TRAP1: variants seen among roughly 807,000 people sequenced by gnomAD.
The protein encoded by TRAP1 is heat shock protein 75 kDa, mitochondrial.
A neutral mutation model predicts 89.1 loss-of-function variants in TRAP1; 102 were observed. That is an observed-to-expected ratio of 1.15 (90% confidence interval 0.98 to 1.35). TRAP1 has a LOEUF of 1.35. TRAP1 is among the 40% of genes most tolerant of loss of function. TRAP1 has a pLI of 0.00. For missense variants in TRAP1, 1,256 were observed against 945.3 expected (o/e 1.33, Z -4.31); for synonymous variants, 508 against 388.0 (o/e 1.31, Z -3.64).
intron 7 of TRAP1, 114 bp downstream of exon 7, chr16:3,675,922 G>T (rs1346360265): frequency 3.2e-6 from 3 of 929,860 alleles, no homozygotes; most frequent in Non-Finnish European, 1.6e-6. Flanking sequence ...GCCCTTCACG[G>T]CTCTGCCTGT....
intron 4 of TRAP1, 30 bp from the exon 5 acceptor site, chr16:3,679,820 C>A (rs764376881): frequency 3.1e-6 from 5 of 1,610,858 alleles, no homozygotes; most frequent in African/African-American, 1.3e-5. Flanking sequence ...AAGTGCCAAG[C>A]CCCCAGCACC....
chr16:3,712,526 T>TTG (rs1307328765), intron 1 of TRAP1, among the ~76,000 whole-genome samples: 1 of 152,082 alleles, frequency 6.6e-6, no homozygotes, highest in Non-Finnish European at 1.5e-5. Flanking sequence ...AGCAAAATAC[T>TTG]TGGAGATTCC....
chr16:3,686,040 T>C lies in TRAP1; in HGVS notation c.427A>G (p.Ile143Val), dbSNP rs45611437. Residue 143 changes from isoleucine (I) to valine (V), a missense_variant, in exon 4 of 18, where the codon ATT becomes GTT. Transcript: ENST00000246957. ...TTCTCGGCATTGGTCTGCAAGTGAA[T>C]CTCCATTTCTGGCAGTGCTTGGCCG... ...SDGQALPEME[I>V]HLQTNAEKGT... 1 of 1,613,960 alleles carries C rather than the reference T, an allele frequency of 6.2e-7. No individual in the cohort carries two copies. The highest frequency in any genetic ancestry group is 8.5e-7 in the Non-Finnish European group (1 of 1,179,978).
At chr16:3,695,148 G>A (rs772725211) in intron 1 of TRAP1, among the ~76,000 whole-genome samples, 35 of 152,136 alleles carry the variant, frequency 2.3e-4, no homozygotes, top group Non-Finnish European at 4.0e-4. Context: ...TTGATCACCT[G>A]CAAAGACCCT....
chr16:3,709,463 T>C (rs1035301970), intron 1 of TRAP1, among the ~76,000 whole-genome samples: 27 of 152,184 alleles, frequency 1.8e-4, no homozygotes, highest in Non-Finnish European at 3.8e-4. Context: ...ATGCCGTCTG[T>C]TATCTTGGGG....
At chr16:3,683,275 G>A (rs1001027634) in intron 4 of TRAP1, among the ~76,000 whole-genome samples, 2 of 152,044 alleles carry the variant, frequency 1.3e-5, no homozygotes, top group African/African-American at 4.8e-5. Context: ...GTGGGATGCT[G>A]GGAGAGAAAA....
intron 1 of TRAP1, among the ~76,000 whole-genome samples, chr16:3,708,009 A>AC (rs369737108): frequency 9.2e-4 from 140 of 152,092 alleles, no homozygotes; most frequent in African/African-American, 2.9e-3. Context: ...ATATAGTGGG[A>AC]CCCCATCTCT....
intron 1 of TRAP1, among the ~76,000 whole-genome samples, chr16:3,705,399 A>C (rs1596751228): frequency 6.6e-6 from 1 of 151,782 alleles, no homozygotes; most frequent in Non-Finnish European, 1.5e-5. Context: ...ACCCCAAAAG[A>C]AGCCCTACAG....
At chr16:3,704,770 T>C (rs897693156) in intron 1 of TRAP1, among the ~76,000 whole-genome samples, 5 of 151,734 alleles carry the variant, frequency 3.3e-5, no homozygotes, top group Admixed American at 2.0e-4. Flanking sequence ...CCCCAGTGCT[T>C]TGGAAGGCCA....
intron 1 of TRAP1, among the ~76,000 whole-genome samples, chr16:3,715,103 C>T (rs2051580547): frequency 6.6e-6 from 1 of 152,172 alleles, no homozygotes; most frequent in South Asian, 2.1e-4. Context: ...AACCACCGCA[C>T]CAGAAGATGG....
intron 1 of TRAP1, among the ~76,000 whole-genome samples, chr16:3,695,233 AC>A (rs2051270201): frequency 6.6e-6 from 1 of 152,046 alleles, no homozygotes; most frequent in Non-Finnish European, 1.5e-5. Context: ...ACACAATTCA[AC>A]CCCCAACCAG....
At chr16:3,686,481 A>C (rs570509295) in intron 3 of TRAP1, among the ~76,000 whole-genome samples, 1 of 152,220 alleles carries the variant, frequency 6.6e-6, no homozygotes, top group South Asian at 2.1e-4. Flanking sequence ...CACCCAGCTA[A>C]TTGTTTTAAA....
chr16:3,658,362 G>C, intron 17 of TRAP1, 132 bp from the exon 18 acceptor site: 1 of 717,626 alleles, frequency 1.4e-6, no homozygotes, highest in Admixed American at 2.6e-5. Context: ...GCAACCTCAG[G>C]TGATCCCCCC....
At chr16:3,714,354 C>T (rs948430098) in intron 1 of TRAP1, among the ~76,000 whole-genome samples, 1 of 152,158 alleles carries the variant, frequency 6.6e-6, no homozygotes, top group Non-Finnish European at 1.5e-5. Context: ...CCTAGCCCAC[C>T]CCTCACAGAA....
At chr16:3,694,892 G>A (rs1276320313) in intron 1 of TRAP1, among the ~76,000 whole-genome samples, 1 of 152,170 alleles carries the variant, frequency 6.6e-6, no homozygotes, top group African/African-American at 2.4e-5. Context: ...GAAGCAAGAA[G>A]TCCAAGATCA....
chr16:3,679,080 T>G (rs2051039758), intron 5 of TRAP1, among the ~76,000 whole-genome samples: 1 of 152,082 alleles, frequency 6.6e-6, no homozygotes, highest in African/African-American at 2.4e-5. Flanking sequence ...CTCAGGAGGC[T>G]GAGGCTGGAG....
chr16:3,715,316 A>T (rs572520432), intron 1 of TRAP1, among the ~76,000 whole-genome samples: 6 of 151,958 alleles, frequency 3.9e-5, no homozygotes, highest in Non-Finnish European at 8.8e-5. Context: ...TGGGCGCCTA[A>T]AGTCCCAGCT....
chr16:3,664,375 T>C lies in TRAP1; in HGVS notation c.1468A>G (p.Met490Val), dbSNP rs1486402841. Residue 490 changes from methionine (M) to valine (V), a missense_variant, in exon 13 of 18, where the codon ATG (methionine) becomes GTG (valine). Transcript: ENST00000246957. ...TAGATGTTGCGGGTGCCGGCCCGCA[T>C]GCGGCTGGCGTATTCTGAGAGGCTG... ...LTSLSEYASR[M>V]RAGTRNIYYL... is the part of the protein sequence containing the mutation. 3.7e-6 allele frequency: 6 copies of C among 1,612,662 alleles called. No individual in the cohort carries two copies. The Admixed American group carries it at 6.7e-5, about 18-fold the overall frequency.
intron 11 of TRAP1, among the ~76,000 whole-genome samples, chr16:3,670,238 C>T (rs2050893476): frequency 1.3e-5 from 2 of 151,176 alleles, no homozygotes; most frequent in Non-Finnish European, 2.9e-5. Context: ...AAAAATCAGC[C>T]GGGCATGGTG....
Sources: allele counts gnomAD v4.1 joint callset (sites outside exome capture counted in the v4.1 genomes callset), GRCh38; gene constraint gnomAD v4.1.1; transcripts MANE v1.5; gene names NCBI Gene and HGNC (gene_info 2026-07-23, HGNC 2026-07-21).